RRM1: variants seen among roughly 807,000 people sequenced by gnomAD.
RRM1 encodes ribonucleotide reductase catalytic subunit M1, also known as ribonucleoside-diphosphate reductase large subunit.
A neutral mutation model predicts 101.5 loss-of-function variants in RRM1; 19 were observed. The ratio of observed to expected loss-of-function variants is 0.19; its 90% CI spans 0.13 to 0.27. The LOEUF (loss-of-function observed/expected upper bound fraction) is 0.27. Among genes scored for constraint, RRM1 ranks in the 10% least tolerant of loss-of-function variants. The pLI is 1.00. For synonymous variants in RRM1, 298 were observed against 323.4 expected, an observed-to-expected ratio of 0.92 and a Z score of 0.84; for missense variants, 500 against 962.9, an observed-to-expected ratio of 0.52 and a Z score of 6.36.
At chr11:4,108,618 AG>A (rs1339998652) in intron 4 of RRM1, among the ~76,000 whole-genome samples, 4 of 150,286 alleles carry the variant, frequency 2.7e-5, no homozygotes, top group Non-Finnish European at 4.4e-5. Context: ...AAAAAAAAAA[AG>A]AATGATTAAT....
At chr11:4,137,369 C>G (rs1316742611) in intron 18 of RRM1, 1 of 169,252 alleles carries the variant, frequency 5.9e-6, no homozygotes, top group Non-Finnish European at 1.3e-5. Context: ...CCCCTCACCT[C>G]CCAGACGGGG....
rs368764221 is a variant in RRM1, at chr11:4,118,315, C to T, written c.651-5C>T. 62 of 1,607,268 alleles carry T rather than the reference C, an allele frequency of 3.9e-5. No homozygotes were observed. In the Middle Eastern group the frequency reaches 6.6e-4, roughly 17 times the overall value. ...CTCTAAGTTGAGACATTTTTTCCCC[C>T]GTAGCTGTTTTCTTCTGAGTATGAA... On this transcript the variant is annotated splice_region_variant and splice_polypyrimidine_tract_variant and intron_variant, in intron 7 of 18. Coordinates refer to ENST00000300738, the MANE Select transcript of RRM1 (RefSeq NM_001033.5).
intron 1 of RRM1, among the ~76,000 whole-genome samples, chr11:4,099,944 C>T (rs867024397): frequency 6.3e-5 from 3 of 47,390 alleles, no homozygotes; most frequent in African/African-American, 4.1e-5. Context: ...AAGTTGCTTT[C>T]CCCCCCCACT....
chr11:4,135,345 G>T, intron 18 of RRM1, 75 bp downstream of exon 18: 1 of 1,169,126 alleles, frequency 8.6e-7, no homozygotes, highest in Non-Finnish European at 1.2e-6. Context: ...TTATGTTTTA[G>T]CCACCTATTA....
rs878970369 is a variant in RRM1 at position 4,107,628 on chromosome 11, G to A, written c.387+93G>A. On this transcript the variant is annotated intron_variant, in intron 4 of 18. Coordinates refer to ENST00000300738, the MANE Select transcript of RRM1 (RefSeq NM_001033.5). ...AATTTAAACACTGCAAAAGATACAG[G>A]TAAATACTAATTCTGTTTCCTACCC... 3.3e-5 allele frequency: 24 copies of A among 721,414 alleles called. 1 individual carries two copies. In the South Asian group the frequency reaches 4.0e-4, roughly 12 times the overall value. The allele number at this position is 721,414 out of a possible 1,614,324, so 44.7% of individuals were successfully genotyped here.
chr11:4,138,679 T>G lies in RRM1; in HGVS notation c.*296T>G. ...AGTCATCTTGCATACAGGGAGTGGTTAAGTAAGGTTTCATCACCCCTTTAG... is the reference window on the plus strand; with the variant it reads ...AGTCATCTTGCATACAGGGAGTGGTGAAGTAAGGTTTCATCACCCCTTTAG... On this transcript the variant is annotated 3_prime_UTR_variant, in exon 19 of 19. Transcript: ENST00000300738. 2 of 254,784 alleles carry G rather than the reference T, an allele frequency of 7.8e-6. No homozygotes were observed. Among genetic ancestry groups the G allele is most frequent in the Non-Finnish European group, 1.5e-5 (2 of 133,630 alleles). The allele number at this position is 254,784 out of a possible 1,614,324, so 15.8% of individuals were successfully genotyped here. A position where few individuals can be genotyped will look rare whatever the true frequency, so the allele number is the denominator to read the frequency against.
chr11:4,128,852 T>C (rs2094594229), intron 14 of RRM1, among the ~76,000 whole-genome samples: 1 of 152,184 alleles, frequency 6.6e-6, no homozygotes, highest in South Asian at 2.1e-4. Context: ...TTTGTAGATA[T>C]GACATGGGAT....
At chr11:4,130,414 G>T (rs886230265) in intron 15 of RRM1, among the ~76,000 whole-genome samples, 1 of 151,812 alleles carries the variant, frequency 6.6e-6, no homozygotes, top group Non-Finnish European at 1.5e-5. Context: ...ATGTATTCTG[G>T]GCTGGGCACC....
chr11:4,100,706 C>T (rs919937153), intron 1 of RRM1, among the ~76,000 whole-genome samples: 5 of 152,142 alleles, frequency 3.3e-5, no homozygotes, highest in Admixed American at 1.3e-4. Context: ...TATTTTATAA[C>T]GAGGTATAGT....
At chr11:4,129,342 C>T (rs1337513873) in intron 15 of RRM1, among the ~76,000 whole-genome samples, 192 bp downstream of exon 15, 1 of 152,046 alleles carries the variant, frequency 6.6e-6, no homozygotes, top group Admixed American at 6.6e-5. Context: ...CTGGAAGTTG[C>T]TTGGCACAAT....
At chr11:4,135,830 T>C in intron 18 of RRM1, among the ~76,000 whole-genome samples, 1 of 151,672 alleles carries the variant, frequency 6.6e-6, no homozygotes, top group Middle Eastern at 3.4e-3. Context: ...TATTGGGTAT[T>C]TAAGTAGAAT....
At chr11:4,110,494 A>G (rs12292367) in intron 5 of RRM1, among the ~76,000 whole-genome samples, 77,740 of 151,942 alleles carry the variant, frequency 0.51, 20,402 homozygotes, top group Non-Finnish European at 0.58. Context: ...CAGGCTGGGC[A>G]TGGTGGCTTA....
At chr11:4,106,276 G>C in intron 3 of RRM1, 53 bp downstream of exon 3, 1 of 1,418,822 alleles carries the variant, frequency 7.0e-7, no homozygotes, top group Non-Finnish European at 9.8e-7. Flanking sequence ...AAGTAATAAG[G>C]GTACTAGAAA....
rs553781021 is a variant in RRM1, at chr11:4,098,491, T to C, written c.19+3460T>C. Among the ~76,000 whole-genome samples the C allele has an allele frequency of 2.6e-5, 4 of 151,606 alleles. No homozygotes were observed. In the South Asian group the frequency reaches 6.3e-4, roughly 24 times the overall value. On this transcript the variant is annotated intron_variant, in intron 1 of 18. Coordinates refer to ENST00000300738, the MANE Select transcript of RRM1 (RefSeq NM_001033.5). The stretch of plus-strand genomic sequence containing the variant: ...TTTTACAACTCTGTGGATACCGTGC[T>C]GTTCACCGGGATTGCAGTGATGAGT...
chr11:4,124,933 T>A, intron 12 of RRM1, among the ~76,000 whole-genome samples: 1 of 141,896 alleles, frequency 7.0e-6, no homozygotes, highest in African/African-American at 2.5e-5. Flanking sequence ...TTTTTTTTTT[T>A]GAGACAGAGT....
chr11:4,101,315 A>ATT (rs111807668), intron 1 of RRM1, among the ~76,000 whole-genome samples: 2 of 142,372 alleles, frequency 1.4e-5, no homozygotes, highest in African/African-American at 2.6e-5. Context: ...GATTCTGTGG[A>ATT]TTTTTTTTTT....
rs572323941 is a variant in RRM1, at chr11:4,131,953, G to A, written c.1770-333G>A. Among the ~76,000 whole-genome samples the A allele has an allele frequency of 2.8e-4, 42 of 152,256 alleles. No individual in the cohort carries two copies. The South Asian group carries it at 8.3e-3, about 30-fold the overall frequency. ...AACAGTGATTTGAATATTTCCCTAC[G>A]CAAGATAGTGTATCAAGTGTTATGA... On this transcript the variant is annotated intron_variant, in intron 15 of 18. Transcript: ENST00000300738.
At chr11:4,108,281 AGAG>A in intron 4 of RRM1, among the ~76,000 whole-genome samples, 1 of 152,308 alleles carries the variant, frequency 6.6e-6, no homozygotes, top group Middle Eastern at 3.4e-3. Context: ...TGGACAGATT[AGAG>A]ACCAGTTTTA....
chr11:4,096,415 G>A (rs1387836966), intron 1 of RRM1, among the ~76,000 whole-genome samples: 1 of 152,226 alleles, frequency 6.6e-6, no homozygotes, highest in Non-Finnish European at 1.5e-5. Context: ...GATGAATGCT[G>A]TGAATAAGCA....
Sources: gnomAD v4.1 joint callset for allele counts (sites outside exome capture counted in the v4.1 genomes callset) on GRCh38, gnomAD v4.1.1 for gene constraint, MANE v1.5 for transcripts, NCBI Gene and HGNC (gene_info 2026-07-23, HGNC 2026-07-21) for gene names.